Variants in TCF12 observed in about 807,000 individuals in gnomAD.
TCF12 encodes the protein DNA-binding protein HTF4.
A neutral mutation model predicts 86.0 loss-of-function variants in TCF12; 45 were observed. That is an observed-to-expected ratio of 0.52 (90% confidence interval 0.41 to 0.67). The LOEUF is 0.67. Ranked by LOEUF, TCF12 falls within the 30% of genes least tolerant of loss-of-function variation. The pLI is 0.00. For synonymous variants in TCF12, 330 were observed against 299.6 expected (o/e 1.10, Z -1.05); for missense variants, 881 against 859.9 (o/e 1.02, Z -0.31).
At chr15:56,946,454 C>A (rs1567145328) in intron 3 of TCF12, among the ~76,000 whole-genome samples, 1 of 152,016 alleles carries the variant, frequency 6.6e-6, no homozygotes, top group African/African-American at 2.4e-5. Context: ...GATTGTCTTG[C>A]ATTTCTTTCC....
chr15:57,093,155 T>G (rs2049099875), intron 5 of TCF12, among the ~76,000 whole-genome samples: 1 of 152,212 alleles, frequency 6.6e-6, no homozygotes, highest in African/African-American at 2.4e-5. Flanking sequence ...AATCATGGTA[T>G]TATATGTATT....
intron 3 of TCF12, among the ~76,000 whole-genome samples, chr15:57,057,133 G>A (rs1013448772): frequency 6.6e-6 from 1 of 152,044 alleles, no homozygotes; most frequent in African/African-American, 2.4e-5. Flanking sequence ...ATCTCAATTC[G>A]GTTCTTTTAG....
At chr15:57,236,584 C>T (rs778602992) in intron 12 of TCF12, among the ~76,000 whole-genome samples, 6 of 152,104 alleles carry the variant, frequency 3.9e-5, no homozygotes, top group African/African-American at 1.2e-4. Flanking sequence ...TAATATATGT[C>T]TTAAAAGATC....
intron 8 of TCF12, among the ~76,000 whole-genome samples, chr15:57,226,895 T>G (rs1286257911): frequency 6.7e-6 from 1 of 148,882 alleles, no homozygotes; most frequent in African/African-American, 2.4e-5. Context: ...ACATTTCAAG[T>G]GTTCAGTAGT....
chr15:56,967,087 A>C (rs1427336379), intron 3 of TCF12, among the ~76,000 whole-genome samples: 1 of 151,894 alleles, frequency 6.6e-6, no homozygotes, highest in African/African-American at 2.4e-5. Flanking sequence ...GTGCCACTGC[A>C]CTCCAGCCTG....
intron 6 of TCF12, among the ~76,000 whole-genome samples, chr15:57,182,740 C>T (rs1400810937): frequency 6.6e-6 from 1 of 152,112 alleles, no homozygotes; most frequent in Non-Finnish European, 1.5e-5. Flanking sequence ...GGTTTATCAA[C>T]ACTAAAACTG....
At chr15:57,187,337 C>G (rs1341288419) in intron 6 of TCF12, among the ~76,000 whole-genome samples, 2 of 152,134 alleles carry the variant, frequency 1.3e-5, no homozygotes, top group African/African-American at 4.8e-5. Flanking sequence ...AAAACCATCT[C>G]GCTAAGATTG....
chr15:57,030,855 T>C (rs1181394381), intron 3 of TCF12, among the ~76,000 whole-genome samples: 6 of 152,238 alleles, frequency 3.9e-5, no homozygotes, highest in Non-Finnish European at 2.9e-5. Context: ...TTCACATTTG[T>C]AGAAGTGAGT....
chr15:57,232,829 C>T lies in TCF12; in HGVS notation c.943C>T (p.Pro315Ser). The T allele has an allele frequency of 1.9e-6, 3 of 1,606,932 alleles. No individual in the cohort carries two copies. Among genetic ancestry groups the T allele is most frequent in the East Asian group, 2.3e-5 (1 of 44,326 alleles). Residue 315 changes from proline to serine, a missense_variant, in exon 11 of 21, where the codon CCC becomes TCC. Pro to Ser is a moderately conservative substitution (Grantham distance 74). Transcript: ENST00000333725. ...SPYVAASHTP[P>S]INGSDSILGT... is the part of the protein sequence containing the mutation. ...TTACGTTGCTGCCTCACACACTCCT[C>T]CCATCAATGGATCAGACAGCATTCT...
At chr15:56,964,826 A>G (rs2061931746) in intron 3 of TCF12, among the ~76,000 whole-genome samples, 1 of 152,182 alleles carries the variant, frequency 6.6e-6, no homozygotes, top group Admixed American at 6.5e-5. Flanking sequence ...TTTTAAATGG[A>G]TCAGTGGTAA....
rs997534183 is a variant in TCF12, at chr15:57,151,534, A to G, written c.326-14868A>G. On this transcript the variant is annotated intron_variant, in intron 5 of 20. Coordinates refer to ENST00000333725, the MANE Select transcript of TCF12 (RefSeq NM_207037.2). ...GTAATCTCAGCACGTTGAGAGGCCA[A>G]GGAGGACAGATCATGAGATCAAGAG... is the stretch of plus-strand genomic sequence containing the variant. Among the ~76,000 whole-genome samples the G allele has an allele frequency of 5.3e-5, 8 of 152,226 alleles. No homozygotes were observed. In the East Asian group the frequency reaches 1.6e-3, roughly 30 times the overall value.
chr15:56,926,383 C>T (rs773120298), intron 3 of TCF12, among the ~76,000 whole-genome samples: 1 of 151,526 alleles, frequency 6.6e-6, no homozygotes, highest in Non-Finnish European at 1.5e-5. Flanking sequence ...ACTTCTCTAA[C>T]ATAGAAAATG....
At chr15:57,203,968 C>T (rs1165029245) in intron 8 of TCF12, among the ~76,000 whole-genome samples, 1 of 152,152 alleles carries the variant, frequency 6.6e-6, no homozygotes, top group Non-Finnish European at 1.5e-5. Flanking sequence ...GCACTCCAGC[C>T]TGGGTGACAG....
chr15:57,219,715 G>GTTTT, intron 8 of TCF12: 1 of 439,010 alleles, frequency 2.3e-6, no homozygotes, highest in Non-Finnish European at 3.7e-6. Context: ...TTAGATTGTA[G>GTTTT]ATTTCTTTTT....
intron 8 of TCF12, among the ~76,000 whole-genome samples, chr15:57,218,428 A>G (rs1358690025): frequency 6.6e-6 from 1 of 152,156 alleles, no homozygotes; most frequent in Non-Finnish European, 1.5e-5. Flanking sequence ...TAAGAGACAC[A>G]TGTTTTTGTA....
intron 6 of TCF12, among the ~76,000 whole-genome samples, chr15:57,182,941 G>A (rs935803747): frequency 6.6e-6 from 1 of 152,094 alleles, no homozygotes; most frequent in African/African-American, 2.4e-5. Flanking sequence ...GCATGTTCCC[G>A]AGTTACTATG....
chr15:57,045,814 G>A (rs1385984056), intron 3 of TCF12, among the ~76,000 whole-genome samples: 2 of 152,034 alleles, frequency 1.3e-5, no homozygotes, highest in Non-Finnish European at 2.9e-5. Context: ...CCAAAGTGCT[G>A]GGATTACAGA....
intron 5 of TCF12, among the ~76,000 whole-genome samples, chr15:57,101,854 A>G (rs1407006008): frequency 6.6e-6 from 1 of 152,194 alleles, no homozygotes; most frequent in East Asian, 1.9e-4. Context: ...ACTTCACAGC[A>G]AATTAAATCG....
chr15:57,111,586 CTTT>C (rs1166862090), intron 5 of TCF12, among the ~76,000 whole-genome samples: 103 of 115,448 alleles, frequency 8.9e-4, no homozygotes, highest in Non-Finnish European at 1.5e-3. Context: ...GTTTGTTTAT[CTTT>C]TTTTTTTTTT....
Sources: gnomAD v4.1 joint callset for allele counts (sites outside exome capture counted in the v4.1 genomes callset) on GRCh38, gnomAD v4.1.1 for gene constraint, MANE v1.5 for transcripts, NCBI Gene and HGNC (gene_info 2026-07-23, HGNC 2026-07-21) for gene names.